PCDHA5: variants seen among roughly 807,000 people sequenced by gnomAD.
PCDHA5 encodes protocadherin alpha-5.
Under a neutral mutation model 61.6 loss-of-function variants are expected in PCDHA5, and 43 were observed. The observed-to-expected ratio is 0.70, with a 90% CI of 0.55 to 0.90. The LOEUF (loss-of-function observed/expected upper bound fraction) is 0.90, where lower values mean the gene tolerates loss of function less well. Ranked by LOEUF, PCDHA5 falls within the 40% of genes least tolerant of loss-of-function variation. The pLI, the probability that PCDHA5 is intolerant of heterozygous loss-of-function variation, is 0.00. For missense variants in PCDHA5, 1,298 were observed against 1,222.7 expected, an observed-to-expected ratio of 1.06 and a Z score of -0.92; for synonymous variants, 627 against 543.9, an observed-to-expected ratio of 1.15 and a Z score of -2.13.
chr5:140,965,316 T>C (rs1411473254), intron 1 of PCDHA5, among the ~76,000 whole-genome samples: 2 of 152,200 alleles, frequency 1.3e-5, no homozygotes, highest in Admixed American at 6.5e-5. Context: ...CCTTCTCTTT[T>C]ACTGAAGTGA....
chr5:140,931,161 C>G (rs1214685588), intron 1 of PCDHA5, among the ~76,000 whole-genome samples: 5 of 152,132 alleles, frequency 3.3e-5, no homozygotes, highest in African/African-American at 1.2e-4. Flanking sequence ...AATAGAATCT[C>G]AGTTAATTTT....
At chr5:140,846,207 T>C (rs1310866622) in intron 1 of PCDHA5, among the ~76,000 whole-genome samples, 2 of 149,584 alleles carry the variant, frequency 1.3e-5, no homozygotes, top group Non-Finnish European at 3.0e-5. Context: ...GTATGAGATC[T>C]TTCCATTAAT....
intron 1 of PCDHA5, chr5:140,882,841 A>G: frequency 6.2e-7 from 1 of 1,614,232 alleles, no homozygotes; most frequent in East Asian, 2.2e-5. Flanking sequence ...AAATGTCTTC[A>G]TTATCACTTG....
rs1554129140 is a variant in PCDHA5, at chr5:140,823,104, A to G, written c.1329A>G (p.Glu443=). The G allele has an allele frequency of 4.3e-6, 7 of 1,613,870 alleles. No homozygotes were observed. Among genetic ancestry groups the G allele is most frequent in the Middle Eastern group, 1.6e-4 (1 of 6,064 alleles). The change falls in exon 1 of 4, where the codon GAA becomes GAG. Residue 443 remains glutamate, a synonymous_variant. Coordinates refer to ENST00000529859, the MANE Select transcript of PCDHA5 (RefSeq NM_018908.3). The part of the protein sequence containing the change: ...SLWATASVSV[E]VADVNDNAPA... The stretch of plus-strand genomic sequence containing the variant: ...GGGCCACCGCCAGCGTGTCTGTGGA[A>G]GTGGCCGACGTGAACGACAACGCTC...
At chr5:141,005,572 C>G (rs548748234) in intron 3 of PCDHA5, among the ~76,000 whole-genome samples, 59 of 150,976 alleles carry the variant, frequency 3.9e-4, no homozygotes, top group Non-Finnish European at 7.7e-4. Context: ...CATGGTGGCG[C>G]GTGCCTGTAG....
chr5:140,894,374 A>G (rs1449305462), intron 1 of PCDHA5, among the ~76,000 whole-genome samples: 1 of 151,940 alleles, frequency 6.6e-6, no homozygotes, highest in African/African-American at 2.4e-5. Flanking sequence ...AATGGCTCCA[A>G]TTATATTTGT....
chr5:140,876,761 G>C (rs1554168887), intron 1 of PCDHA5: 2 of 1,614,238 alleles, frequency 1.2e-6, no homozygotes, highest in East Asian at 2.2e-5. Context: ...GCGCGGGATG[G>C]GGGCTCGCCT....
intron 1 of PCDHA5, chr5:140,843,553 G>T: frequency 6.3e-7 from 1 of 1,595,928 alleles, no homozygotes; most frequent in African/African-American, 1.3e-5. Context: ...GCTCCAGTGC[G>T]GTGGGGAGCT....
At chr5:140,988,014 A>G (rs782358781) in intron 3 of PCDHA5, among the ~76,000 whole-genome samples, 4 of 152,242 alleles carry the variant, frequency 2.6e-5, no homozygotes, top group African/African-American at 7.2e-5. Context: ...GAAAGAAAGC[A>G]TGATTCTTAA....
At position 140,823,320 on chromosome 5, in the gene PCDHA5, G is replaced by A. The variant is rs2150124673; in HGVS notation, c.1545G>A (p.Lys515=). The change falls in exon 1 of 4, where the codon AAG becomes AAA. Residue 515 remains lysine, a synonymous_variant. Transcript: ENST00000529859. Reference sequence around the variant, plus strand: ...TTTCGGTGCACGCGGAGAGCGGCAAGGTGTACGCGCTGCAGCCGCTGGACC... The same window carrying A: ...TTTCGGTGCACGCGGAGAGCGGCAAAGTGTACGCGCTGCAGCCGCTGGACC... The part of the protein sequence containing the change: ...SYVSVHAESG[K]VYALQPLDHE... The A allele has an allele frequency of 2.5e-6, 4 of 1,612,172 alleles. No homozygotes were observed. The highest frequency in any genetic ancestry group is 1.1e-5 in the South Asian group (1 of 91,020).
At chr5:140,827,346 AAAG>A (rs1451464058) in intron 1 of PCDHA5, among the ~76,000 whole-genome samples, 2 of 152,218 alleles carry the variant, frequency 1.3e-5, no homozygotes, top group Non-Finnish European at 2.9e-5. Context: ...AAGTATATGA[AAAG>A]AAAATATTTT....
rs2150339268 is a variant in PCDHA5, at chr5:140,842,564, C to T, written c.2352+18437C>T. ...GTTGGTGCTGGACAGCGCCCTGGACCGCGAGAGAGTGTCGGCCTATGAGTT... is the reference window on the plus strand; with the variant it reads ...GTTGGTGCTGGACAGCGCCCTGGACTGCGAGAGAGTGTCGGCCTATGAGTT... On this transcript the variant is annotated intron_variant, in intron 1 of 3. Transcript: ENST00000529859. 4 of 1,500,320 alleles carry T rather than the reference C, an allele frequency of 2.7e-6. 1 individual carries two copies. The highest frequency in any genetic ancestry group is 1.9e-5 in the Admixed American group (1 of 52,900). The allele number at this position is 1,500,320 out of a possible 1,614,324, so 92.9% of individuals were successfully genotyped here.
chr5:140,876,718 G>A (rs1554168825), intron 1 of PCDHA5: 4 of 1,614,124 alleles, frequency 2.5e-6, no homozygotes, highest in African/African-American at 2.7e-5. Context: ...CCTGGACCGC[G>A]AGAGCGTGTC....
chr5:140,821,760 T>C lies in PCDHA5; in HGVS notation c.-16T>C, dbSNP rs201374772. ...TGGTGATGCAATAGAAAGCTCATAA[T>C]TGGAACGAGATTGAGATGGTATATT... On this transcript the variant is annotated 5_prime_UTR_variant, in exon 1 of 4. Coordinates refer to ENST00000529859, the MANE Select transcript of PCDHA5 (RefSeq NM_018908.3). 1.2e-4 allele frequency: 197 copies of C among 1,588,374 alleles called. No homozygotes were observed. Among genetic ancestry groups the C allele is most frequent in the East Asian group, 4.3e-4 (19 of 44,658 alleles).
At position 140,849,867 on chromosome 5, in the gene PCDHA5, T is replaced by C. The variant is rs2150454998; in HGVS notation, c.2352+25740T>C. On this transcript the variant is annotated intron_variant, in intron 1 of 3. Coordinates refer to ENST00000529859, the MANE Select transcript of PCDHA5 (RefSeq NM_018908.3). ...CGACAACGCACCAGCGTTCGCGCAG[T>C]CCGAGTACACGGTGTTCGTGAAGGA... The C allele has an allele frequency of 6.1e-5, 97 of 1,598,416 alleles. 5 individuals carry two copies. Among genetic ancestry groups the C allele is most frequent in the Non-Finnish European group, 6.9e-5 (81 of 1,167,974 alleles).
intron 1 of PCDHA5, among the ~76,000 whole-genome samples, chr5:140,889,648 A>G (rs1414947366): frequency 6.6e-6 from 1 of 152,094 alleles, no homozygotes; most frequent in African/African-American, 2.4e-5. Flanking sequence ...TGTTTGCAGG[A>G]GATGTCCTCT....
At chr5:140,963,220 G>A (rs2095749091) in intron 1 of PCDHA5, among the ~76,000 whole-genome samples, 2 of 152,122 alleles carry the variant, frequency 1.3e-5, no homozygotes, top group East Asian at 1.9e-4. Flanking sequence ...CGTGTTTAGA[G>A]TAGACACTGT....
rs1031755500 is a variant in PCDHA5 at position 140,856,096 on chromosome 5, G to T, written c.2352+31969G>T. ...TGGGGGTCCAGTGTCTGCTGCTCTC[G>T]CTTCTTCTCCTCGCAGCCTGGGAGG... On this transcript the variant is annotated intron_variant, in intron 1 of 3. Transcript: ENST00000529859. 7 of 1,597,458 alleles carry T rather than the reference G, an allele frequency of 4.4e-6. 1 individual carries two copies. The highest frequency in any genetic ancestry group is 6.0e-6 in the Non-Finnish European group (7 of 1,167,222).
At position 140,998,569 on chromosome 5, in the gene PCDHA5, G is replaced by GTTT. The variant is rs71574497; in HGVS notation, c.2501-11048_2501-11046dup. ...TTAATGTCTAATTTATTGTAAATAA[G>GTTT]TTTTTTTTTTTTGAGACAGAGTTTT... On this transcript the variant is annotated intron_variant, in intron 3 of 3. Transcript: ENST00000529859. Among the ~76,000 whole-genome samples, 105 of 149,398 alleles carry GTTT rather than the reference G, an allele frequency of 7.0e-4. 1 individual carries two copies. Among genetic ancestry groups the GTTT allele is most frequent in the Middle Eastern group, 3.4e-3 (1 of 292 alleles).
Sources: allele counts gnomAD v4.1 joint callset (sites outside exome capture counted in the v4.1 genomes callset), GRCh38; gene constraint gnomAD v4.1.1; transcripts MANE v1.5; gene names NCBI Gene and HGNC (gene_info 2026-07-23, HGNC 2026-07-21).